The following CAST variants were observed in gnomAD, a reference collection of about 807,000 sequenced individuals.
CAST encodes the protein calpastatin, also known as MIR583 host.
In CAST, 76 loss-of-function variants were observed where a neutral mutation model predicts 119.6. That is an observed-to-expected ratio of 0.64 (90% confidence interval 0.53 to 0.77). CAST has a LOEUF of 0.77. Among genes scored for constraint, CAST ranks in the 30% least tolerant of loss-of-function variants. The pLI, the probability that CAST is intolerant of heterozygous loss-of-function variation, is 0.00. For synonymous variants in CAST, 319 were observed against 331.6 expected (o/e 0.96, Z 0.41); for missense variants, 953 against 946.5 (o/e 1.01, Z -0.09).
chr5:96,685,398 A>G (rs1008815087), intron 2 of CAST, among the ~76,000 whole-genome samples: 4 of 152,188 alleles, frequency 2.6e-5, no homozygotes, highest in African/African-American at 7.2e-5. Flanking sequence ...AAAAGGGACA[A>G]TAACCTGAAA....
chr5:96,193,810 C>T, the CAST span, among the ~76,000 whole-genome samples: 1 of 152,060 alleles, frequency 6.6e-6, no homozygotes, highest in Non-Finnish European at 1.5e-5. Context: ...TGATCTTAAG[C>T]TATATTAATA....
the CAST span, among the ~76,000 whole-genome samples, chr5:96,132,979 G>C: frequency 2.6e-5 from 4 of 152,138 alleles, no homozygotes; most frequent in Non-Finnish European, 4.4e-5. Flanking sequence ...TTTCAGATTA[G>C]AGCTTCAGAA....
the CAST span, among the ~76,000 whole-genome samples, chr5:95,999,056 T>A: frequency 7.2e-6 from 1 of 139,788 alleles, no homozygotes; most frequent in East Asian, 2.1e-4. Context: ...TTTTTTGAGA[T>A]TTTTTTAGTG....
At chr5:96,064,874 G>A in the CAST span, among the ~76,000 whole-genome samples, 1 of 152,100 alleles carries the variant, frequency 6.6e-6, no homozygotes, top group African/African-American at 2.4e-5. Flanking sequence ...TCTATGCTAT[G>A]TGCGTTAGTT....
At chr5:95,967,367 A>G in the CAST span, among the ~76,000 whole-genome samples, 3 of 151,940 alleles carry the variant, frequency 2.0e-5, no homozygotes, top group African/African-American at 2.4e-5. Flanking sequence ...GATCCTTCCT[A>G]TGAATAGACA....
At chr5:96,260,167 A>G in the CAST span, among the ~76,000 whole-genome samples, 1 of 152,186 alleles carries the variant, frequency 6.6e-6, no homozygotes, top group South Asian at 2.1e-4. Flanking sequence ...GATTAAAAAA[A>G]CAACAACAAA....
At chr5:96,168,249 A>C in the CAST span, among the ~76,000 whole-genome samples, 2 of 152,182 alleles carry the variant, frequency 1.3e-5, no homozygotes, top group East Asian at 3.9e-4. Flanking sequence ...TATCAGCGTA[A>C]GCATTGTCCT....
Position 96,748,495 on chromosome 5 carries a change from ATACAGCACTTCTTATAT to A in CAST, c.1333-16_1333del. The A allele has an allele frequency of 8.2e-7, 1 of 1,225,444 alleles. No homozygotes were observed. Among genetic ancestry groups the A allele is most frequent in the Admixed American group, 1.9e-5 (1 of 51,944 alleles). The allele number at this position is 1,225,444 out of a possible 1,614,324, so 75.9% of individuals were successfully genotyped here. A position where few individuals can be genotyped will look rare whatever the true frequency, so the allele number is the denominator to read the frequency against. ...AAATAAAAAAGAGTCCCCTTGTAATATACAGCACTTCTTATATTACAGCCTCGGAGTGAATCAGAACT... is the reference window on the plus strand; with the variant it reads ...AAATAAAAAAGAGTCCCCTTGTAATATACAGCCTCGGAGTGAATCAGAACT... On this transcript the variant is annotated splice_region_variant and splice_polypyrimidine_tract_variant and intron_variant, in intron 18 of 31. Coordinates refer to ENST00000675179, the MANE Select transcript of CAST (RefSeq NM_001750.7).
intron 1 of CAST, among the ~76,000 whole-genome samples, chr5:96,652,629 G>T (rs1748108292): frequency 6.6e-6 from 1 of 152,138 alleles, no homozygotes. Flanking sequence ...CACAGCATTT[G>T]GCCTAACCCA....
At chr5:96,081,722 A>G in the CAST span, among the ~76,000 whole-genome samples, 1 of 152,130 alleles carries the variant, frequency 6.6e-6, no homozygotes. Flanking sequence ...TGAAGTCTTT[A>G]CAGCCTGGAG....
At chr5:96,495,587 G>T in the CAST span, among the ~76,000 whole-genome samples, 1 of 152,130 alleles carries the variant, frequency 6.6e-6, no homozygotes, top group Non-Finnish European at 1.5e-5. Context: ...TCCTTGCAAA[G>T]AACATGAACT....
chr5:96,189,918 A>C, the CAST span, among the ~76,000 whole-genome samples: 1 of 152,160 alleles, frequency 6.6e-6, no homozygotes, highest in Non-Finnish European at 1.5e-5. Context: ...TCCTGGGTCA[A>C]CTGCTCTTGT....
intron 3 of CAST, among the ~76,000 whole-genome samples, chr5:96,701,847 G>C (rs896604978): frequency 9.2e-5 from 14 of 151,584 alleles, no homozygotes; most frequent in Admixed American, 3.9e-4. Flanking sequence ...TTCTGCTCTG[G>C]AAATGTTAGA....
chr5:96,200,269 C>T, the CAST span, among the ~76,000 whole-genome samples: 21,114 of 152,032 alleles, frequency 0.14, 2,154 homozygotes, highest in African/African-American at 0.27. Flanking sequence ...AATATTGCCC[C>T]AGGGGAATCC....
chr5:96,148,026 C>T, the CAST span, among the ~76,000 whole-genome samples: 1 of 152,172 alleles, frequency 6.6e-6, no homozygotes, highest in Non-Finnish European at 1.5e-5. Context: ...TATTGCCTAT[C>T]TTTTGTCTGG....
At chr5:96,602,446 T>C (rs1747172776) in intron 1 of CAST, among the ~76,000 whole-genome samples, 1 of 152,266 alleles carries the variant, frequency 6.6e-6, no homozygotes, top group Non-Finnish European at 1.5e-5. Flanking sequence ...ATAAATATTA[T>C]AAAGGAACTA....
the CAST span, among the ~76,000 whole-genome samples, chr5:96,508,294 G>T: frequency 0.016 from 2,419 of 152,230 alleles, 70 homozygotes; most frequent in African/African-American, 0.056. Flanking sequence ...CTCAGGCAAC[G>T]TCCTTGTTTC....
At chr5:96,395,293 C>A in the CAST span, among the ~76,000 whole-genome samples, 1 of 152,288 alleles carries the variant, frequency 6.6e-6, no homozygotes, top group East Asian at 1.9e-4. Context: ...TGGATGTGTT[C>A]TTGGAAAGCT....
At chr5:96,046,825 G>C in the CAST span, among the ~76,000 whole-genome samples, 1 of 152,190 alleles carries the variant, frequency 6.6e-6, no homozygotes, top group Non-Finnish European at 1.5e-5. Context: ...CACTTCTTAC[G>C]TGGCAGCAGC....
Sources: gnomAD v4.1 joint callset for allele counts (sites outside exome capture counted in the v4.1 genomes callset) on GRCh38, gnomAD v4.1.1 for gene constraint, MANE v1.5 for transcripts, NCBI Gene and HGNC (gene_info 2026-07-23, HGNC 2026-07-21) for gene names.